Variants in CPD observed in about 807,000 individuals in gnomAD.
The protein encoded by CPD is carboxypeptidase D, also known as metallocarboxypeptidase D.
In CPD, 69 loss-of-function variants were observed where a neutral mutation model predicts 138.3. That is an observed-to-expected ratio of 0.50 (90% CI 0.41 to 0.61). The LOEUF (loss-of-function observed/expected upper bound fraction) is 0.61, where lower values mean the gene tolerates loss of function less well. Ranked by LOEUF, CPD falls within the 20% of genes least tolerant of loss-of-function variation. The pLI, the probability that CPD is intolerant of heterozygous loss-of-function variation, is 0.00. For synonymous variants in CPD, 651 were observed against 642.1 expected (o/e 1.01, Z -0.21); for missense variants, 1,432 against 1,733.3 (o/e 0.83, Z 3.09).
At chr17:30,409,029 C>T (rs8080515) in intron 2 of CPD, among the ~76,000 whole-genome samples, 176 of 152,252 alleles carry the variant, frequency 1.2e-3, no homozygotes, top group African/African-American at 4.1e-3. Context: ...AGATACATTC[C>T]ATCAATACCT....
At chr17:30,423,251 A>T (rs1220003204) in intron 5 of CPD, among the ~76,000 whole-genome samples, 3 of 152,198 alleles carry the variant, frequency 2.0e-5, no homozygotes, top group Non-Finnish European at 2.9e-5. Context: ...AAGTGCATAG[A>T]TTAGATTTAT....
At chr17:30,417,444 G>A (rs192028258) in intron 2 of CPD, among the ~76,000 whole-genome samples, 71 of 151,970 alleles carry the variant, frequency 4.7e-4, no homozygotes, top group Non-Finnish European at 6.8e-4. Context: ...TTCCTTCTTG[G>A]GTATTTCTGT....
intron 2 of CPD, among the ~76,000 whole-genome samples, chr17:30,403,796 G>T (rs1313373529): frequency 6.6e-6 from 1 of 152,120 alleles, no homozygotes; most frequent in Non-Finnish European, 1.5e-5. Context: ...TTACCCAAAA[G>T]ATAGGAAAAC....
In CPD at chr17:30,400,701, C is replaced by T. The variant is rs1434457477; in HGVS notation, c.994+15465C>T. Among the ~76,000 whole-genome samples, 3 of 118,748 alleles carry T rather than the reference C, an allele frequency of 2.5e-5. No homozygotes were observed. The Admixed American group carries it at 3.2e-4, about 13-fold the overall frequency. 77.9% of individuals were successfully genotyped at this position (118,748 alleles called of 152,430 possible). A position where few individuals can be genotyped will look rare whatever the true frequency, so the allele number is the denominator to read the frequency against. Reference sequence around the variant, plus strand: ...TGAGATGGAGTCTTACTCTGTTGCCCAGGCTGGAGTGCATGGCGCGATCTC... The same window carrying T: ...TGAGATGGAGTCTTACTCTGTTGCCTAGGCTGGAGTGCATGGCGCGATCTC... On this transcript the variant is annotated intron_variant, in intron 2 of 20. Coordinates refer to ENST00000225719, the MANE Select transcript of CPD (RefSeq NM_001304.5).
At chr17:30,403,008 A>C (rs2143358540) in intron 2 of CPD, among the ~76,000 whole-genome samples, 1 of 152,328 alleles carries the variant, frequency 6.6e-6, no homozygotes, top group African/African-American at 2.4e-5. Context: ...CAGGAGGCTG[A>C]GGCAGGAGAA....
intron 2 of CPD, among the ~76,000 whole-genome samples, chr17:30,417,579 G>A (rs1912144348): frequency 6.6e-6 from 1 of 152,076 alleles, no homozygotes. Flanking sequence ...GGTCCTCTTT[G>A]ATTCCTTTCT....
Position 30,443,930 on chromosome 17 carries a change from C to G in CPD, c.2502C>G (p.Leu834=), listed in dbSNP as rs1035343866. ...TTYKTGDYWR[L]LVPGTYKITA... is the part of the protein sequence containing the mutation. Reference sequence around the variant, plus strand: ...ACAAAACTGGAGATTACTGGCGTCTCTTGGTTCCAGGAACTTATAAAATCA... The same window carrying G: ...ACAAAACTGGAGATTACTGGCGTCTGTTGGTTCCAGGAACTTATAAAATCA... Residue 834 remains leucine (L), a synonymous_variant, in exon 11 of 21, where the codon CTC becomes CTG. Coordinates refer to ENST00000225719, the MANE Select transcript of CPD (RefSeq NM_001304.5). 30 of 1,613,902 alleles carry G rather than the reference C, an allele frequency of 1.9e-5. No individual in the cohort carries two copies. The highest frequency in any genetic ancestry group is 2.5e-5 in the Non-Finnish European group (29 of 1,179,856).
At chr17:30,413,930 A>G (rs1912033678) in intron 2 of CPD, among the ~76,000 whole-genome samples, 1 of 152,192 alleles carries the variant, frequency 6.6e-6, no homozygotes, top group Non-Finnish European at 1.5e-5. Context: ...TCAAGTAGTA[A>G]GGTTATCCGG....
intron 11 of CPD, among the ~76,000 whole-genome samples, chr17:30,444,480 GC>G: frequency 6.8e-6 from 1 of 148,138 alleles, no homozygotes; most frequent in East Asian, 2.0e-4. Context: ...ATACAGGTAA[GC>G]CCAAAGCAAT....
chr17:30,444,143 C>CT, intron 11 of CPD, 172 bp downstream of exon 11: 2 of 428,464 alleles, frequency 4.7e-6, no homozygotes, highest in Non-Finnish European at 7.9e-6. Context: ...ATAGAGTACA[C>CT]GAAAAAAAAA....
At chr17:30,420,605 G>T (rs1473907534) in intron 2 of CPD, among the ~76,000 whole-genome samples, 1 of 152,030 alleles carries the variant, frequency 6.6e-6, no homozygotes, top group Non-Finnish European at 1.5e-5. Flanking sequence ...TTTTATAACT[G>T]CTCATCCTAT....
At chr17:30,445,241 G>T (rs780749634) in intron 11 of CPD, among the ~76,000 whole-genome samples, 16 of 152,124 alleles carry the variant, frequency 1.1e-4, no homozygotes, top group South Asian at 2.1e-4. Flanking sequence ...GAGGCAGGTG[G>T]ATCACTTGAG....
intron 2 of CPD, among the ~76,000 whole-genome samples, chr17:30,401,223 GCTT>G (rs1475894594): frequency 7.0e-6 from 1 of 143,364 alleles, no homozygotes; most frequent in East Asian, 2.4e-4. Flanking sequence ...TTCTGCTTCT[GCTT>G]CTTCTGCTTC....
rs75135188 is a variant in CPD, at chr17:30,464,601, G to A, written c.3930G>A (p.Ser1310=). ...TTTGTTTGTCAGGTGCTACTATGTC[G>A]GCATTGATCCTAACAGCTTGCATTA... is the stretch of plus-strand genomic sequence containing the variant. ...LVVTVSGATM[S]ALILTACIIW... is the part of the protein sequence containing the mutation. The change falls in exon 21 of 21, where the codon TCG becomes TCA. Residue 1310 remains serine, a synonymous_variant. Transcript: ENST00000225719. 2.7e-3 allele frequency: 4,334 copies of A among 1,613,282 alleles called. 151 individuals carry two copies. In the East Asian group the frequency reaches 0.077, roughly 29 times the overall value.
chr17:30,418,164 C>G (rs1357839866), intron 2 of CPD, among the ~76,000 whole-genome samples: 1 of 149,950 alleles, frequency 6.7e-6, no homozygotes, highest in Non-Finnish European at 1.5e-5. Flanking sequence ...CCCATAATAT[C>G]TCTATTATTA....
chr17:30,422,599 T>C (rs1265187614), intron 4 of CPD, 75 bp from the exon 5 acceptor site: 2 of 912,908 alleles, frequency 2.2e-6, no homozygotes, highest in Non-Finnish European at 1.7e-6. Context: ...ATGAAAAGGC[T>C]ACTGTGCTTT....
intron 2 of CPD, among the ~76,000 whole-genome samples, chr17:30,407,084 G>A (rs539021579): frequency 2.0e-5 from 3 of 152,264 alleles, no homozygotes; most frequent in African/African-American, 7.2e-5. Flanking sequence ...CTGTCCTTGT[G>A]ATAGTTTGCT....
chr17:30,395,171 A>G (rs886753419), intron 2 of CPD, among the ~76,000 whole-genome samples: 1 of 150,496 alleles, frequency 6.6e-6, no homozygotes, highest in Non-Finnish European at 1.5e-5. Context: ...CAACCAGAAC[A>G]TATATATAAA....
At chr17:30,436,159 C>G (rs1912694039) in intron 8 of CPD, among the ~76,000 whole-genome samples, 1 of 152,028 alleles carries the variant, frequency 6.6e-6, no homozygotes, top group East Asian at 1.9e-4. Context: ...AAAAGACAAC[C>G]CACAGAAGCT....
Sources: gnomAD v4.1 joint callset for allele counts (sites outside exome capture counted in the v4.1 genomes callset) on GRCh38, gnomAD v4.1.1 for gene constraint, MANE v1.5 for transcripts, NCBI Gene and HGNC (gene_info 2026-07-23, HGNC 2026-07-21) for gene names.